Variants in GRID2 observed in about 807,000 individuals in gnomAD.
The protein encoded by GRID2 is glutamate receptor ionotropic, delta-2.
A neutral mutation model predicts 114.8 loss-of-function variants in GRID2; 33 were observed. The observed-to-expected ratio is 0.29, with a 90% confidence interval of 0.22 to 0.38. The LOEUF (loss-of-function observed/expected upper bound fraction) is 0.38. Ranked by LOEUF, GRID2 falls within the 10% of genes least tolerant of loss-of-function variation. The pLI is 1.00. For missense variants in GRID2, 1,184 were observed against 1,257.7 expected (o/e 0.94, Z 0.89); for synonymous variants, 505 against 449.9 (o/e 1.12, Z -1.55).
chr4:92,402,186 T>C (rs901806539), intron 1 of GRID2, among the ~76,000 whole-genome samples: 1 of 152,184 alleles, frequency 6.6e-6, no homozygotes, highest in East Asian at 1.9e-4. Context: ...TCTTGCTATT[T>C]ACACCAAATC....
intron 1 of GRID2, among the ~76,000 whole-genome samples, chr4:92,579,144 A>T (rs1350960143): frequency 6.6e-6 from 1 of 152,138 alleles, no homozygotes; most frequent in East Asian, 1.9e-4. Flanking sequence ...ATAAGAATTT[A>T]TCCAAACGTG....
intron 8 of GRID2, among the ~76,000 whole-genome samples, chr4:93,325,132 G>T (rs1757688311): frequency 6.6e-6 from 1 of 152,110 alleles, no homozygotes; most frequent in Non-Finnish European, 1.5e-5. Flanking sequence ...TGATGTTAGG[G>T]TGTCAATTTT....
intron 2 of GRID2, among the ~76,000 whole-genome samples, chr4:92,613,097 T>G (rs1729834796): frequency 6.6e-6 from 1 of 151,426 alleles, no homozygotes; most frequent in African/African-American, 2.4e-5. Context: ...AGAAATTTCC[T>G]AATACTCATA....
chr4:92,658,029 A>G (rs150742981), intron 2 of GRID2, among the ~76,000 whole-genome samples: 225 of 151,864 alleles, frequency 1.5e-3, no homozygotes, highest in Admixed American at 5.1e-3. Context: ...GATATCATTG[A>G]GTTATTAGGG....
intron 13 of GRID2, among the ~76,000 whole-genome samples, chr4:93,589,907 T>A (rs1247186940): frequency 5.3e-5 from 8 of 151,262 alleles, no homozygotes; most frequent in East Asian, 1.9e-4. Context: ...GTTGTTTGTT[T>A]TGTTCTTGTA....
chr4:93,637,905 A>T (rs1721558695), intron 14 of GRID2, among the ~76,000 whole-genome samples: 1 of 152,148 alleles, frequency 6.6e-6, no homozygotes, highest in Non-Finnish European at 1.5e-5. Context: ...CAAATAAACT[A>T]ACATCATAAT....
intron 2 of GRID2, among the ~76,000 whole-genome samples, chr4:92,884,177 T>A (rs1325877113): frequency 6.6e-6 from 1 of 152,224 alleles, no homozygotes; most frequent in Non-Finnish European, 1.5e-5. Flanking sequence ...TGGAGATGGC[T>A]TCTTTCCTTA....
At chr4:93,585,243 C>T (rs985428743) in intron 13 of GRID2, among the ~76,000 whole-genome samples, 3 of 152,072 alleles carry the variant, frequency 2.0e-5, no homozygotes, top group Admixed American at 1.3e-4. Context: ...TCAAAGAAAT[C>T]CCTCAGGATC....
At chr4:92,877,057 A>G (rs1745685212) in intron 2 of GRID2, among the ~76,000 whole-genome samples, 2 of 152,242 alleles carry the variant, frequency 1.3e-5, no homozygotes, top group African/African-American at 2.4e-5. Context: ...GGCTGTGTAC[A>G]TTTATAAGAA....
At chr4:92,425,832 C>A (rs985855197) in intron 1 of GRID2, among the ~76,000 whole-genome samples, 1 of 152,094 alleles carries the variant, frequency 6.6e-6, no homozygotes, top group Non-Finnish European at 1.5e-5. Flanking sequence ...AACTAACTTA[C>A]AAGGTGGTTA....
intron 14 of GRID2, among the ~76,000 whole-genome samples, chr4:93,686,488 C>T (rs113203012): frequency 0.042 from 6,246 of 149,512 alleles, 198 homozygotes; most frequent in African/African-American, 0.083. Flanking sequence ...AGTAAACAGA[C>T]GAATAGAAAA....
chr4:92,618,659 GTTA>G (rs1414706714), intron 2 of GRID2, among the ~76,000 whole-genome samples: 1 of 151,534 alleles, frequency 6.6e-6, no homozygotes. Flanking sequence ...ATTTGTTTCT[GTTA>G]TTTTGGGTTT....
At chr4:92,465,845 T>A (rs1249052589) in intron 1 of GRID2, among the ~76,000 whole-genome samples, 1 of 151,998 alleles carries the variant, frequency 6.6e-6, no homozygotes, top group Non-Finnish European at 1.5e-5. Flanking sequence ...GCATAAATCC[T>A]GACTTATAGA....
chr4:93,071,598 A>G lies in GRID2; in HGVS notation c.245-13397A>G, dbSNP rs550190279. Among the ~76,000 whole-genome samples, 22 of 152,278 alleles carry G rather than the reference A, an allele frequency of 1.4e-4. No individual in the cohort carries two copies. The South Asian group carries it at 4.6e-3, about 32-fold the overall frequency. On this transcript the variant is annotated intron_variant, in intron 2 of 15. Coordinates refer to ENST00000282020, the MANE Select transcript of GRID2 (RefSeq NM_001510.4). ...CTGAGGATTTGCATGAAGAAATAAG[A>G]TGAAGGAATATCTAGGTGAGGAGTA...
intron 2 of GRID2, among the ~76,000 whole-genome samples, chr4:93,042,274 TTTCTC>T (rs1560821284): frequency 0.015 from 1,121 of 72,788 alleles, 12 homozygotes; most frequent in African/African-American, 0.034. Context: ...TCTCTCTCTC[TTTCTC>T]TCTCTCTCTC....
intron 4 of GRID2, among the ~76,000 whole-genome samples, chr4:93,127,927 G>A (rs1734422419): frequency 6.7e-6 from 1 of 149,934 alleles, no homozygotes; most frequent in Admixed American, 6.7e-5. Flanking sequence ...AGGCTGATGT[G>A]GGAGGATAGT....
intron 10 of GRID2, among the ~76,000 whole-genome samples, chr4:93,423,254 C>A (rs1560604712): frequency 6.6e-6 from 1 of 151,542 alleles, no homozygotes. Flanking sequence ...TCAACTTATA[C>A]CCCAAAAACA....
At chr4:93,192,071 T>A (rs902161136) in intron 4 of GRID2, among the ~76,000 whole-genome samples, 1 of 152,180 alleles carries the variant, frequency 6.6e-6, no homozygotes. Flanking sequence ...TTATTTTCAC[T>A]GGGGCTTATG....
At chr4:93,217,144 G>T (rs574204727) in intron 6 of GRID2, 2 of 332,210 alleles carry the variant, frequency 6.0e-6, no homozygotes, top group Non-Finnish European at 1.1e-5. Flanking sequence ...AATAAGTAAA[G>T]GTTATTTTCT....
Sources: allele counts gnomAD v4.1 joint callset (sites outside exome capture counted in the v4.1 genomes callset), GRCh38; gene constraint gnomAD v4.1.1; transcripts MANE v1.5; gene names NCBI Gene and HGNC (gene_info 2026-07-23, HGNC 2026-07-21).